AAMDC: variants seen among roughly 807,000 people sequenced by gnomAD.
The protein encoded by AAMDC is adipogenesis associated Mth938 domain containing.
Under a neutral mutation model 15.5 loss-of-function variants are expected in AAMDC, and 16 were observed. The observed-to-expected ratio is 1.03, with a 90% CI of 0.70 to 1.57. The LOEUF (loss-of-function observed/expected upper bound fraction) is 1.57. Among genes scored for constraint, AAMDC ranks in the 40% most tolerant of loss-of-function variants. The pLI is 0.00. For synonymous variants in AAMDC, 51 were observed against 51.6 expected, an observed-to-expected ratio of 0.99 and a Z score of 0.05; for missense variants, 141 against 144.9, an observed-to-expected ratio of 0.97 and a Z score of 0.14.
chr11:77,825,042 G>A (rs868421299), intron 1 of AAMDC, among the ~76,000 whole-genome samples: 2 of 152,002 alleles, frequency 1.3e-5, no homozygotes, highest in Admixed American at 6.6e-5. Context: ...GTGCAGTGAC[G>A]CGATCTCAGC....
At chr11:77,867,718 T>C (rs1344001226) in intron 2 of AAMDC, among the ~76,000 whole-genome samples, 1 of 152,186 alleles carries the variant, frequency 6.6e-6, no homozygotes, top group Non-Finnish European at 1.5e-5. Context: ...CTAACTCCCA[T>C]ATCCCCTTTG....
rs549141331 is a variant in AAMDC at position 77,838,151 on chromosome 11, C to T, written c.-18-4328C>T. Among the ~76,000 whole-genome samples, 8 of 152,214 alleles carry T rather than the reference C, an allele frequency of 5.3e-5. No homozygotes were observed. The South Asian group carries it at 1.7e-3, about 32-fold the overall frequency. ...TTAATCAGAAGTAAGACTTTCTAAT[C>T]GTCTTTAGTTGGAGATTAAATATGG... On this transcript the variant is annotated intron_variant, in intron 1 of 3. Coordinates refer to ENST00000393427, the MANE Select transcript of AAMDC (RefSeq NM_024684.4).
intron 5 of AAMDC, chr11:77,884,811 G>C (rs748430547): frequency 2.7e-5 from 11 of 409,648 alleles, no homozygotes; most frequent in South Asian, 1.2e-4. Flanking sequence ...CTGGAGTGCA[G>C]TGGCACGATC....
chr11:77,852,388 C>A (rs981317941), intron 2 of AAMDC, among the ~76,000 whole-genome samples: 1 of 152,068 alleles, frequency 6.6e-6, no homozygotes, highest in Admixed American at 6.5e-5. Context: ...TCCTGTCTGT[C>A]TTGATTTTAA....
At chr11:77,872,391 C>G (rs1951474086), downstream of AAMDC, 1 of 1,507,674 alleles carries the variant, frequency 6.6e-7, no homozygotes, top group Non-Finnish European at 8.9e-7. Flanking sequence ...AAACCAGCCT[C>G]CCCTAAACAT....
rs71473358 is a variant in AAMDC, at chr11:77,858,302, C to CTTTTTTTTTTTTTTTTTTTTT, written c.133-11415_133-11395dup. 5.8e-5 allele frequency among the ~76,000 whole-genome samples: 4 copies of CTTTTTTTTTTTTTTTTTTTTT among 69,358 alleles called. 1 individual carries two copies. Among genetic ancestry groups the CTTTTTTTTTTTTTTTTTTTTT allele is most frequent in the African/African-American group, 1.8e-4 (3 of 16,270 alleles). 45.5% of individuals were successfully genotyped at this position (69,358 alleles called of 152,430 possible). On this transcript the variant is annotated intron_variant, in intron 2 of 3. Transcript: ENST00000393427. ...CTCCACCTCCTGCGTTTAAGCAATT[C>CTTTTTTTTTTTTTTTTTTTTT]TTTTTTTTTTTTTTTTTTTTTTTTT... is the stretch of plus-strand genomic sequence containing the variant.
rs113000353 is a variant in AAMDC, at chr11:77,882,902, C to T, written c.328+5853C>T. Among the ~76,000 whole-genome samples, 755 of 152,218 alleles carry T rather than the reference C, an allele frequency of 5.0e-3. 1 individual carries two copies. The highest frequency in any genetic ancestry group is 6.2e-3 in the Non-Finnish European group (425 of 68,012). On this transcript the variant is annotated intron_variant, in intron 5 of 5. Transcript: ENST00000304716. ...CTTGGCCAACATGACGAAACCCTGT[C>T]TCTACTAAAATACAAAAAAATTAGC...
intron 1 of AAMDC, among the ~76,000 whole-genome samples, chr11:77,828,255 A>T (rs1267753384): frequency 6.6e-6 from 1 of 151,822 alleles, no homozygotes; most frequent in Non-Finnish European, 1.5e-5. Context: ...AGCCTGGGTG[A>T]CAGAGCGCAA....
downstream of AAMDC, among the ~76,000 whole-genome samples, chr11:77,902,457 G>C (rs1952806467): frequency 6.6e-6 from 1 of 152,106 alleles, no homozygotes; most frequent in South Asian, 2.1e-4. Context: ...AAAGAGTCTG[G>C]ATCAGACAAG....
At chr11:77,838,230 G>C (rs1354182165) in intron 1 of AAMDC, among the ~76,000 whole-genome samples, 2 of 122,964 alleles carry the variant, frequency 1.6e-5, no homozygotes, top group Non-Finnish European at 4.0e-5. Context: ...GTGACTGTTA[G>C]TTTTATGTGT....
chr11:77,891,264 A>G (rs777506986), intron 5 of AAMDC: 1 of 1,562,096 alleles, frequency 6.4e-7, no homozygotes. Flanking sequence ...CTAACATTAA[A>G]TACTTCAACA....
chr11:77,869,676 A>C (rs1951319726), intron 2 of AAMDC, 46 bp from the exon 3 acceptor site: 1 of 1,556,928 alleles, frequency 6.4e-7, no homozygotes, highest in Non-Finnish European at 8.9e-7. Context: ...TATTGCAATG[A>C]AAGATTGAGA....
At chr11:77,852,672 T>C (rs1950447485) in intron 2 of AAMDC, among the ~76,000 whole-genome samples, 1 of 152,220 alleles carries the variant, frequency 6.6e-6, no homozygotes, top group African/African-American at 2.4e-5. Context: ...TCCATGTAGG[T>C]AATTATTTTG....
At chr11:77,895,466 C>T (rs1361656248) in intron 5 of AAMDC, among the ~76,000 whole-genome samples, 1 of 129,536 alleles carries the variant, frequency 7.7e-6, no homozygotes, top group Non-Finnish European at 1.6e-5. Flanking sequence ...AAAATGGGGC[C>T]GGGGGTAGAT....
intron 2 of AAMDC, among the ~76,000 whole-genome samples, chr11:77,849,339 A>G (rs1590947874): frequency 6.6e-6 from 1 of 152,100 alleles, no homozygotes; most frequent in South Asian, 2.1e-4. Flanking sequence ...CTCTTGCCTC[A>G]GCCTCCTGAG....
At chr11:77,857,152 A>G (rs1216707102) in intron 2 of AAMDC, among the ~76,000 whole-genome samples, 2 of 152,236 alleles carry the variant, frequency 1.3e-5, no homozygotes, top group East Asian at 3.8e-4. Context: ...AAGAAGCTCT[A>G]TAGAGTAATT....
At chr11:77,877,187 G>A (rs543186249), downstream of AAMDC, 180 of 588,694 alleles carry the variant, frequency 3.1e-4, 1 homozygote, top group South Asian at 2.8e-3. Context: ...TGTGACCTAG[G>A]ACAGGTTACT....
Position 77,856,466 on chromosome 11 carries a change from T to C in AAMDC, c.133-13256T>C, listed in dbSNP as rs550540156. Among the ~76,000 whole-genome samples, 5 of 152,300 alleles carry C rather than the reference T, an allele frequency of 3.3e-5. No homozygotes were observed. In the South Asian group the frequency reaches 1.0e-3, roughly 32 times the overall value. ...GCTTCCACATTTTTTAGTATCTTTA[T>C]AGCAATACCCCCTTCCTGGTACCAA... On this transcript the variant is annotated intron_variant, in intron 2 of 3. Coordinates refer to ENST00000393427, the MANE Select transcript of AAMDC (RefSeq NM_024684.4).
At chr11:77,878,686 A>G (rs906391255) in intron 5 of AAMDC, 4 of 680,706 alleles carry the variant, frequency 5.9e-6, no homozygotes, top group African/African-American at 5.4e-5. Context: ...CTATAGCCAC[A>G]CGCATTTCTT....
Sources: allele counts gnomAD v4.1 joint callset (sites outside exome capture counted in the v4.1 genomes callset), GRCh38; gene constraint gnomAD v4.1.1; transcripts MANE v1.5; gene names NCBI Gene and HGNC (gene_info 2026-07-23, HGNC 2026-07-21).